The following B3GLCT variants were observed in gnomAD, a reference collection of about 807,000 sequenced individuals.
B3GLCT encodes beta-1,3-glucosyltransferase.
In B3GLCT, 65 loss-of-function variants were observed where a neutral mutation model predicts 63.4. The ratio of observed to expected loss-of-function variants is 1.03; its 90% CI spans 0.84 to 1.26. B3GLCT has a LOEUF of 1.26. Ranked by LOEUF, B3GLCT falls within the 50% of genes most tolerant of loss-of-function variation. B3GLCT has a pLI of 0.00. For missense variants in B3GLCT, 577 were observed against 604.8 expected, an observed-to-expected ratio of 0.95 and a Z score of 0.48; for synonymous variants, 233 against 219.2, an observed-to-expected ratio of 1.06 and a Z score of -0.55.
chr13:31,318,219 A>G (rs989436828), intron 13 of B3GLCT, among the ~76,000 whole-genome samples: 9 of 152,238 alleles, frequency 5.9e-5, no homozygotes, highest in Admixed American at 2.6e-4. Context: ...GGGTAAATCA[A>G]TTAAGCAGTT....
At chr13:31,301,997 A>T (rs1874244844) in intron 12 of B3GLCT, among the ~76,000 whole-genome samples, 1 of 152,146 alleles carries the variant, frequency 6.6e-6, no homozygotes. Flanking sequence ...ATTCCTATGA[A>T]TGTTTTCTGT....
intron 3 of B3GLCT, among the ~76,000 whole-genome samples, chr13:31,228,219 C>CA (rs1555246265): frequency 4.6e-5 from 7 of 152,320 alleles, no homozygotes; most frequent in East Asian, 1.9e-4. Context: ...TTGCTGTGGC[C>CA]GTTTCCTGGA....
At chr13:31,326,440 G>A (rs753963280) in intron 14 of B3GLCT, among the ~76,000 whole-genome samples, 4 of 151,566 alleles carry the variant, frequency 2.6e-5, no homozygotes, top group African/African-American at 9.7e-5. Flanking sequence ...TGTGCCACCC[G>A]CCTGGCTAAT....
chr13:31,276,338 G>A (rs537615621), intron 9 of B3GLCT, among the ~76,000 whole-genome samples: 50 of 152,314 alleles, frequency 3.3e-4, no homozygotes, highest in African/African-American at 1.2e-3. Context: ...GCTGGAGAAA[G>A]GAAATGAGAG....
At chr13:31,237,760 G>A (rs867192095) in intron 4 of B3GLCT, among the ~76,000 whole-genome samples, 4 of 152,162 alleles carry the variant, frequency 2.6e-5, no homozygotes, top group Admixed American at 1.3e-4. Context: ...AGTTGTTGGC[G>A]TCCCAGTGCT....
intron 4 of B3GLCT, among the ~76,000 whole-genome samples, chr13:31,246,709 A>G (rs1160473825): frequency 1.3e-5 from 2 of 152,092 alleles, no homozygotes; most frequent in African/African-American, 4.8e-5. Context: ...TCACCTTCAC[A>G]GATTTCAGGT....
chr13:31,209,161 G>A (rs937007775), intron 1 of B3GLCT, among the ~76,000 whole-genome samples: 2 of 152,250 alleles, frequency 1.3e-5, no homozygotes, highest in African/African-American at 4.8e-5. Flanking sequence ...TCCCATGGTA[G>A]ATGGAGCTGC....
At chr13:31,229,092 G>A (rs149654250) in intron 3 of B3GLCT, 93 bp from the exon 4 acceptor site, 2 of 818,218 alleles carry the variant, frequency 2.4e-6, no homozygotes, top group Non-Finnish European at 4.1e-6. Context: ...CTGCCTGAAG[G>A]TTTGCTTTGT....
At chr13:31,313,384 A>G (rs562738963) in intron 12 of B3GLCT, among the ~76,000 whole-genome samples, 2 of 152,350 alleles carry the variant, frequency 1.3e-5, no homozygotes, top group East Asian at 1.9e-4. Flanking sequence ...ATAGTCATGG[A>G]CAATAAACTA....
In B3GLCT at chr13:31,258,938, T is replaced by G. The variant is rs1871877790; in HGVS notation, c.460-2008T>G. ...TCATGCATTTTAGCCCTTTTCCTTT[T>G]GTCTCATATTGCCATAGCTCTTTTC... On this transcript the variant is annotated intron_variant, in intron 6 of 14. Transcript: ENST00000343307. Among the ~76,000 whole-genome samples the G allele has an allele frequency of 2.0e-5, 3 of 152,208 alleles. No individual in the cohort carries two copies. The South Asian group carries it at 6.2e-4, about 32-fold the overall frequency.
At chr13:31,250,618 C>T (rs1299804538) in intron 6 of B3GLCT, among the ~76,000 whole-genome samples, 1 of 152,248 alleles carries the variant, frequency 6.6e-6, no homozygotes, top group African/African-American at 2.4e-5. Flanking sequence ...GGGTGGAGCC[C>T]ACCACAGCGA....
chr13:31,217,930 ATGAATTT>A (rs2137750916), intron 2 of B3GLCT, among the ~76,000 whole-genome samples: 1 of 152,310 alleles, frequency 6.6e-6, no homozygotes, highest in South Asian at 2.1e-4. Flanking sequence ...TTGTTTCCAA[ATGAATTT>A]TAGAATTTTT....
chr13:31,261,111 G>A (rs1320862092), intron 7 of B3GLCT, 29 bp downstream of exon 7: 1 of 1,594,698 alleles, frequency 6.3e-7, no homozygotes, highest in Non-Finnish European at 8.6e-7. Flanking sequence ...TTTTTCGGGG[G>A]GCGGGAGGGG....
In B3GLCT at chr13:31,276,571, C is replaced by T. The variant is rs150009438; in HGVS notation, c.781-131C>T. On this transcript the variant is annotated intron_variant, in intron 9 of 14. Coordinates refer to ENST00000343307, the MANE Select transcript of B3GLCT (RefSeq NM_194318.4). ...CTATGTTTCCATTTCTCCCCTAAAA[C>T]TTTATGCCGGAAATATGTTTGGTAT... is the stretch of plus-strand genomic sequence containing the variant. The T allele has an allele frequency of 5.6e-3, 3,982 of 707,238 alleles. 18 individuals carry two copies. Among genetic ancestry groups the T allele is most frequent in the Non-Finnish European group, 6.2e-3 (2,467 of 398,668 alleles). The allele number at this position is 707,238 out of a possible 1,614,324, so 43.8% of individuals were successfully genotyped here.
intron 4 of B3GLCT, among the ~76,000 whole-genome samples, chr13:31,246,021 C>G (rs1341792926): frequency 6.6e-6 from 1 of 151,868 alleles, no homozygotes; most frequent in African/African-American, 2.4e-5. Context: ...AATTTAATTC[C>G]AAAGATTTAC....
At chr13:31,288,876 T>G (rs1873491703) in intron 12 of B3GLCT, among the ~76,000 whole-genome samples, 1 of 152,062 alleles carries the variant, frequency 6.6e-6, no homozygotes, top group Non-Finnish European at 1.5e-5. Flanking sequence ...ACAACAATTT[T>G]CTGGGAACAG....
intron 11 of B3GLCT, among the ~76,000 whole-genome samples, chr13:31,285,360 T>C (rs945849815): frequency 3.9e-5 from 6 of 152,012 alleles, no homozygotes; most frequent in African/African-American, 1.4e-4. Context: ...CTGAGTACGA[T>C]AGACACTCTT....
At chr13:31,257,233 G>T (rs1190525559) in intron 6 of B3GLCT, among the ~76,000 whole-genome samples, 1 of 152,102 alleles carries the variant, frequency 6.6e-6, no homozygotes, top group Admixed American at 6.5e-5. Flanking sequence ...AATAGTGAAA[G>T]ATTTGTAAGA....
intron 1 of B3GLCT, among the ~76,000 whole-genome samples, chr13:31,211,998 C>CAA (rs1869284355): frequency 6.6e-6 from 1 of 152,176 alleles, no homozygotes. Flanking sequence ...GCTACTGGAC[C>CAA]TGTTACATTA....
Sources: allele counts gnomAD v4.1 joint callset (sites outside exome capture counted in the v4.1 genomes callset), GRCh38; gene constraint gnomAD v4.1.1; transcripts MANE v1.5; gene names NCBI Gene and HGNC (gene_info 2026-07-23, HGNC 2026-07-21).